SCIN: variants seen among roughly 807,000 people sequenced by gnomAD.
The protein encoded by SCIN is adseverin.
A neutral mutation model predicts 91.8 loss-of-function variants in SCIN; 91 were observed. The observed-to-expected ratio is 0.99, with a 90% CI of 0.84 to 1.18. The LOEUF (loss-of-function observed/expected upper bound fraction) is 1.18. Among genes scored for constraint, SCIN ranks in the 50% most tolerant of loss-of-function variants. SCIN has a pLI of 0.00. For missense variants in SCIN, 1,087 were observed against 863.9 expected, an observed-to-expected ratio of 1.26 and a Z score of -3.24; for synonymous variants, 367 against 312.6, an observed-to-expected ratio of 1.17 and a Z score of -1.84.
At chr7:12,574,562 A>C (rs1199636160) in intron 1 of SCIN, among the ~76,000 whole-genome samples, 2 of 152,140 alleles carry the variant, frequency 1.3e-5, no homozygotes, top group Non-Finnish European at 2.9e-5. Flanking sequence ...AAATACGAAT[A>C]AAATAGGTGG....
At chr7:12,594,279 C>A (rs1051486747) in intron 3 of SCIN, among the ~76,000 whole-genome samples, 1 of 151,816 alleles carries the variant, frequency 6.6e-6, no homozygotes, top group Non-Finnish European at 1.5e-5. Flanking sequence ...GGGAGAAAAT[C>A]CACGGGGTCA....
In SCIN at chr7:12,657,613, A is replaced by C. The variant is rs1583330732; in HGVS notation, c.*4898A>C. On this transcript the variant is annotated 3_prime_UTR_variant, in exon 16 of 16. Coordinates refer to ENST00000297029, the MANE Select transcript of SCIN (RefSeq NM_001112706.3). ...TTTTTTTTTTTGCATTGGCAAAAAA[A>C]CAAAGATATTGTTTAGCAATTTCCT... is the stretch of plus-strand genomic sequence containing the variant. 1 of 126,780 alleles carries C rather than the reference A, an allele frequency of 7.9e-6. No individual in the cohort carries two copies. The highest frequency in any genetic ancestry group is 1.7e-5 in the Non-Finnish European group (1 of 60,322). 7.9% of individuals were successfully genotyped at this position (126,780 alleles called of 1,614,324 possible).
chr7:12,644,336 G>A (rs1655684150), intron 12 of SCIN, 21 bp downstream of exon 12: 8 of 1,562,194 alleles, frequency 5.1e-6, no homozygotes, highest in African/African-American at 1.4e-5. Flanking sequence ...TGGGGCCAAG[G>A]GCACTAACTA....
At position 12,660,053 on chromosome 7, in the gene SCIN, C is replaced by G. The variant is rs1784232683; in HGVS notation, c.*7338C>G. Reference sequence around the variant, plus strand: ...TCCACCCCCTGCCAGCAAAACATTGCTCCTGACTCCACCGCCTATCCCAAA... The same window carrying G: ...TCCACCCCCTGCCAGCAAAACATTGGTCCTGACTCCACCGCCTATCCCAAA... On this transcript the variant is annotated 3_prime_UTR_variant, in exon 16 of 16. Transcript: ENST00000297029. 6.6e-6 allele frequency: 1 copy of G among 152,276 alleles called. No homozygotes were observed. The highest frequency in any genetic ancestry group is 1.5e-5 in the Non-Finnish European group (1 of 68,130). The allele number at this position is 152,276 out of a possible 1,614,324, so 9.4% of individuals were successfully genotyped here. A position where few individuals can be genotyped will look rare whatever the true frequency, so the allele number is the denominator to read the frequency against.
chr7:12,578,112 T>G lies in SCIN; in HGVS notation c.248T>G (p.Val83Gly), dbSNP rs1013311881. ...AGCACAGCTGCTGCCATCTTCACTG[T>G]TCAGATGGATGACTATTTGGGTGGC... is the stretch of plus-strand genomic sequence containing the variant. ...DESTAAAIFT[V>G]QMDDYLGGKP... Residue 83 changes from valine to glycine, a missense_variant, in exon 2 of 16, where the codon GTT becomes GGT. By Grantham distance (109) the Val-to-Gly change is moderately radical. Coordinates refer to ENST00000297029, the MANE Select transcript of SCIN (RefSeq NM_001112706.3). 1.3e-6 allele frequency: 2 copies of G among 1,550,608 alleles called. No homozygotes were observed. Among genetic ancestry groups the G allele is most frequent in the South Asian group, 2.4e-5 (2 of 83,858 alleles).
Position 12,651,790 on chromosome 7 carries a change from C to G in SCIN, c.1960-51C>G. 1 of 1,211,726 alleles carries G rather than the reference C, an allele frequency of 8.3e-7. No individual in the cohort carries two copies. Among genetic ancestry groups the G allele is most frequent in the Admixed American group, 2.0e-5 (1 of 50,754 alleles). 75.1% of individuals were successfully genotyped at this position (1,211,726 alleles called of 1,614,324 possible). On this transcript the variant is annotated intron_variant, in intron 14 of 15. Coordinates refer to ENST00000297029, the MANE Select transcript of SCIN (RefSeq NM_001112706.3). The surrounding 1 kb of genome is among the most constrained non-coding windows in gnomAD (Gnocchi z 5.9). ...GAAGCACTTTACATAGGGCCTAGCA[C>G]TGAGTCAACATCCCAGAAATCATAC...
At position 12,652,580 on chromosome 7, in the gene SCIN, T is replaced by G. The variant is rs1784103606; in HGVS notation, c.2021-8T>G. ...ACTGAATTTATATGTCTTTACAACT[T>G]TTTTTAGCCAAAATGTACCTTGAGA... is the stretch of plus-strand genomic sequence containing the variant. On this transcript the variant is annotated splice_polypyrimidine_tract_variant and splice_region_variant and intron_variant, in intron 15 of 15. Transcript: ENST00000297029. 6.2e-7 allele frequency: 1 copy of G among 1,611,910 alleles called. No individual in the cohort carries two copies. The highest frequency in any genetic ancestry group is 8.5e-7 in the Non-Finnish European group (1 of 1,179,096).
intron 9 of SCIN, among the ~76,000 whole-genome samples, chr7:12,635,233 T>C (rs1783723693): frequency 6.6e-6 from 1 of 151,640 alleles, no homozygotes. Context: ...AAATGGGACC[T>C]CTCCATTGTC....
chr7:12,626,572 T>G lies in SCIN; in HGVS notation c.982-12T>G. On this transcript the variant is annotated splice_polypyrimidine_tract_variant and intron_variant, in intron 7 of 15. Transcript: ENST00000297029. ...TTTTCCTGTTTACTATTATTATTATTTTAAATTTCAGATTCAAGTTCTTCC... is the reference window on the plus strand; with the variant it reads ...TTTTCCTGTTTACTATTATTATTATGTTAAATTTCAGATTCAAGTTCTTCC... 1.3e-6 allele frequency: 2 copies of G among 1,513,020 alleles called. No individual in the cohort carries two copies. Among genetic ancestry groups the G allele is most frequent in the Non-Finnish European group, 1.8e-6 (2 of 1,117,906 alleles). The allele number at this position is 1,513,020 out of a possible 1,614,324, so 93.7% of individuals were successfully genotyped here.
chr7:12,645,518 G>A (rs1257169413), intron 13 of SCIN, among the ~76,000 whole-genome samples: 1 of 152,092 alleles, frequency 6.6e-6, no homozygotes, highest in East Asian at 1.9e-4. Flanking sequence ...AAGTTCAGGG[G>A]TACATGTGCA....
At chr7:12,607,894 T>C (rs1309118509) in intron 4 of SCIN, among the ~76,000 whole-genome samples, 1 of 152,208 alleles carries the variant, frequency 6.6e-6, no homozygotes, top group African/African-American at 2.4e-5. Context: ...AAAAAGCCCA[T>C]GAACTTGGTT....
intron 2 of SCIN, among the ~76,000 whole-genome samples, chr7:12,580,375 T>C (rs1309982351): frequency 6.6e-6 from 1 of 152,204 alleles, no homozygotes; most frequent in Non-Finnish European, 1.5e-5. Flanking sequence ...ATTCGGGTGA[T>C]TGTATTTCAT....
intron 1 of SCIN, among the ~76,000 whole-genome samples, chr7:12,573,189 A>T (rs991817505): frequency 6.6e-6 from 1 of 152,220 alleles, no homozygotes; most frequent in Non-Finnish European, 1.5e-5. Context: ...GACCTAAATT[A>T]GGATGAATCC....
At chr7:12,572,274 G>A (rs572258572) in intron 1 of SCIN, among the ~76,000 whole-genome samples, 1 of 152,160 alleles carries the variant, frequency 6.6e-6, no homozygotes, top group Non-Finnish European at 1.5e-5. Flanking sequence ...GGCTCAGCCT[G>A]AGTTCTGAAC....
In SCIN at chr7:12,626,759, C is replaced by G; in HGVS notation, c.1157C>G (p.Ala386Gly). Residue 386 changes from alanine to glycine, a missense_variant, in exon 8 of 16, where the codon GCC becomes GGC. Ala to Gly is a moderately conservative substitution (Grantham distance 60). Transcript: ENST00000297029. Reference sequence around the variant, plus strand: ...TTACACAGTTCTCCGCAGATGGCAGCCCAGCACAATATGGTGGATGATGGT... The same window carrying G: ...TTACACAGTTCTCCGCAGATGGCAGGCCAGCACAATATGGTGGATGATGGT... The part of the protein sequence containing the change: ...SKLHSSPQMA[A>G]QHNMVDDGSG... The G allele has an allele frequency of 1.9e-6, 3 of 1,610,750 alleles. No homozygotes were observed. Among genetic ancestry groups the G allele is most frequent in the Non-Finnish European group, 2.5e-6 (3 of 1,178,530 alleles).
intron 4 of SCIN, among the ~76,000 whole-genome samples, chr7:12,605,786 T>C (rs1465015771): frequency 1.3e-5 from 2 of 152,212 alleles, no homozygotes; most frequent in Admixed American, 1.3e-4. Context: ...AGAGATTAAA[T>C]ATGCCAGTAT....
rs1279826808 is a variant in SCIN at position 12,655,665 on chromosome 7, T to G, written c.*2950T>G. On this transcript the variant is annotated 3_prime_UTR_variant, in exon 16 of 16. Coordinates refer to ENST00000297029, the MANE Select transcript of SCIN (RefSeq NM_001112706.3). ...CACTGTTAATAGATGTATAAACTGGTCAAAACTTTTTGATCCATAGCACAG... is the reference window on the plus strand; with the variant it reads ...CACTGTTAATAGATGTATAAACTGGGCAAAACTTTTTGATCCATAGCACAG... 1 of 152,196 alleles carries G rather than the reference T, an allele frequency of 6.6e-6. No individual in the cohort carries two copies. Among genetic ancestry groups the G allele is most frequent in the African/African-American group, 2.4e-5 (1 of 41,454 alleles). 9.4% of individuals were successfully genotyped at this position (152,196 alleles called of 1,614,324 possible). A position where few individuals can be genotyped will look rare whatever the true frequency, so the allele number is the denominator to read the frequency against.
intron 12 of SCIN, 80 bp downstream of exon 12, chr7:12,644,395 CA>C (rs1583320997): frequency 1.3e-6 from 2 of 1,487,814 alleles, no homozygotes; most frequent in Non-Finnish European, 1.8e-6. Context: ...ACCAAAAAGT[CA>C]CTTTCTAATG....
intron 9 of SCIN, among the ~76,000 whole-genome samples, chr7:12,631,772 C>G (rs1783647584): frequency 6.6e-6 from 1 of 152,132 alleles, no homozygotes; most frequent in Non-Finnish European, 1.5e-5. Context: ...TACCCTGTTT[C>G]AGGTATTCTG....
Sources: allele counts gnomAD v4.1 joint callset (sites outside exome capture counted in the v4.1 genomes callset), GRCh38; gene constraint gnomAD v4.1.1; non-coding constraint Gnocchi (gnomAD v3.1); transcripts MANE v1.5; gene names NCBI Gene and HGNC (gene_info 2026-07-23, HGNC 2026-07-21).